Variants in PCDHA2 observed in about 807,000 individuals in gnomAD.
The protein encoded by PCDHA2 is protocadherin alpha-2.
Under a neutral mutation model 66.0 loss-of-function variants are expected in PCDHA2, and 58 were observed. The observed-to-expected ratio is 0.88, with a 90% CI of 0.71 to 1.09. PCDHA2 has a LOEUF of 1.09. Ranked by LOEUF, PCDHA2 falls within the 50% of genes least tolerant of loss-of-function variation. The probability of loss-of-function intolerance (pLI) is 0.00; values close to 1 mark genes in which losing one functional copy is unlikely to be tolerated. For missense variants in PCDHA2, 1,267 were observed against 1,242.3 expected (o/e 1.02, Z -0.30); for synonymous variants, 634 against 554.0 (o/e 1.14, Z -2.03).
intron 1 of PCDHA2, among the ~76,000 whole-genome samples, chr5:140,949,776 A>G (rs1554219139): frequency 6.6e-6 from 1 of 151,716 alleles, no homozygotes; most frequent in Non-Finnish European, 1.5e-5. Flanking sequence ...AATATTTGAT[A>G]TGTTTAGATT....
Position 140,796,252 on chromosome 5 carries a change from G to C in PCDHA2, c.1288G>C (p.Gly430Arg), listed in dbSNP as rs1554119789. The C allele has an allele frequency of 1.9e-6, 3 of 1,614,118 alleles. No homozygotes were observed. The highest frequency in any genetic ancestry group is 2.5e-6 in the Non-Finnish European group (3 of 1,180,030). The change falls in exon 1 of 4, where the codon GGG (glycine) becomes CGG (arginine). Residue 430 changes from glycine to arginine, a missense_variant. Gly to Arg is a moderately radical substitution (Grantham distance 125). Coordinates refer to ENST00000526136, the MANE Select transcript of PCDHA2 (RefSeq NM_018905.3). ...AYELVVTARD[G>R]GSPSLWATTS... The stretch of plus-strand genomic sequence containing the variant: ...TGAGCTGGTGGTGACCGCACGGGAC[G>C]GGGGCTCGCCTTCACTGTGGGCCAC...
intron 1 of PCDHA2, chr5:140,830,494 A>T (rs2150187219): frequency 3.4e-6 from 5 of 1,472,568 alleles, no homozygotes; most frequent in Non-Finnish European, 4.5e-6. Flanking sequence ...AAGTAAGTGA[A>T]TTTTCATAAT....
intron 1 of PCDHA2, among the ~76,000 whole-genome samples, chr5:140,946,338 A>T (rs1042874038): frequency 6.6e-6 from 1 of 151,824 alleles, no homozygotes; most frequent in Non-Finnish European, 1.5e-5. Flanking sequence ...ATAACAAGTG[A>T]TGGAGAGGAT....
At chr5:140,892,702 A>G (rs1391662001) in intron 1 of PCDHA2, among the ~76,000 whole-genome samples, 1 of 152,240 alleles carries the variant, frequency 6.6e-6, no homozygotes, top group Admixed American at 6.5e-5. Flanking sequence ...AAATCAGGGT[A>G]ATTAGCATAT....
intron 1 of PCDHA2, chr5:140,809,922 T>G: frequency 5.8e-6 from 1 of 173,216 alleles, no homozygotes; most frequent in Non-Finnish European, 1.2e-5. Context: ...ATAATAAAGC[T>G]CCATAAATTG....
chr5:140,970,814 C>T (rs1175939096), intron 1 of PCDHA2, among the ~76,000 whole-genome samples: 1 of 152,068 alleles, frequency 6.6e-6, no homozygotes, highest in Non-Finnish European at 1.5e-5. Flanking sequence ...ATTTCAAGTT[C>T]ATGGTAATCT....
intron 1 of PCDHA2, among the ~76,000 whole-genome samples, chr5:140,820,722 A>T (rs2150107758): frequency 3.3e-5 from 5 of 152,090 alleles, no homozygotes; most frequent in African/African-American, 1.2e-4. Context: ...ATTTACTGGA[A>T]CCTAAACATT....
At chr5:140,876,753 G>A in intron 1 of PCDHA2, 2 of 1,614,246 alleles carry the variant, frequency 1.2e-6, no homozygotes, top group Non-Finnish European at 1.7e-6. Flanking sequence ...TGGTGACTGC[G>A]CGGGATGGGG....
At chr5:140,830,934 C>A in intron 1 of PCDHA2, 1 of 152,356 alleles carries the variant, frequency 6.6e-6, no homozygotes, top group Admixed American at 6.5e-5. Context: ...TCTGTCGACA[C>A]TTTTATTAAG....
At chr5:140,843,440 G>A in intron 1 of PCDHA2, 2 of 1,596,090 alleles carry the variant, frequency 1.3e-6, no homozygotes, top group African/African-American at 2.7e-5. Flanking sequence ...CATCTGCGCG[G>A]TATCCAGCCT....
At position 140,808,133 on chromosome 5, in the gene PCDHA2, T is replaced by C. The variant is rs782108978; in HGVS notation, c.2388+10781T>C. 15 of 1,614,078 alleles carry C rather than the reference T, an allele frequency of 9.3e-6. No homozygotes were observed. Among genetic ancestry groups the C allele is most frequent in the Non-Finnish European group, 1.3e-5 (15 of 1,179,886 alleles). On this transcript the variant is annotated intron_variant, in intron 1 of 3. Coordinates refer to ENST00000526136, the MANE Select transcript of PCDHA2 (RefSeq NM_018905.3). ...TATTGACTTTGAAGAAAGCAAATCC[T>C]ATGAAATTATTGTAGAGGGCATTGA...
intron 1 of PCDHA2, among the ~76,000 whole-genome samples, chr5:140,900,475 C>G (rs2153470131): frequency 6.6e-6 from 1 of 152,298 alleles, no homozygotes; most frequent in East Asian, 1.9e-4. Flanking sequence ...CGGAGTTTCT[C>G]CATGTTGGTC....
chr5:140,805,039 C>T, intron 1 of PCDHA2: 3 of 1,586,366 alleles, frequency 1.9e-6, no homozygotes, highest in Non-Finnish European at 2.6e-6. Flanking sequence ...ATAGAGTCAG[C>T]CAAAGTACTT....
chr5:140,929,080 A>T, intron 1 of PCDHA2: 1 of 1,614,180 alleles, frequency 6.2e-7, no homozygotes, highest in Non-Finnish European at 8.5e-7. Flanking sequence ...GTATGGAAGT[A>T]AGATGGTTTC....
At chr5:140,937,945 G>T (rs1464890227) in intron 1 of PCDHA2, among the ~76,000 whole-genome samples, 1 of 151,840 alleles carries the variant, frequency 6.6e-6, no homozygotes, top group Non-Finnish European at 1.5e-5. Context: ...TTGATAATTG[G>T]CTTTTGTTGA....
chr5:140,807,597 A>G (rs144914662), intron 1 of PCDHA2: 1 of 1,614,208 alleles, frequency 6.2e-7, no homozygotes, highest in South Asian at 1.1e-5. Context: ...CCAGCAACAC[A>G]AAAGAACCTG....
chr5:140,884,466 C>T (rs1212644572), intron 1 of PCDHA2: 3 of 1,613,764 alleles, frequency 1.9e-6, no homozygotes, highest in Non-Finnish European at 2.5e-6. Context: ...GGCGCGTGCG[C>T]GCCGGGCAAG....
At chr5:140,871,026 G>T in intron 1 of PCDHA2, 2 of 1,613,220 alleles carry the variant, frequency 1.2e-6, no homozygotes, top group Non-Finnish European at 1.7e-6. Context: ...AGGCAGACTC[G>T]CCGCGCCACC....
chr5:140,869,809 A>G, intron 1 of PCDHA2: 15 of 1,612,564 alleles, frequency 9.3e-6, no homozygotes, highest in Non-Finnish European at 1.3e-5. Flanking sequence ...CTTGGATGTC[A>G]ACGACAATGA....
Sources: allele counts gnomAD v4.1 joint callset (sites outside exome capture counted in the v4.1 genomes callset), GRCh38; gene constraint gnomAD v4.1.1; transcripts MANE v1.5; gene names NCBI Gene and HGNC (gene_info 2026-07-23, HGNC 2026-07-21).